PRKX: variants seen among roughly 807,000 people sequenced by gnomAD.
The protein encoded by PRKX is cAMP-dependent protein kinase catalytic subunit PRKX.
PRKX carries 12 observed loss-of-function variants against 22.0 expected under a neutral mutation model. That is an observed-to-expected ratio of 0.54 (90% CI 0.35 to 0.88). The LOEUF (loss-of-function observed/expected upper bound fraction) is 0.88. PRKX is among the 40% of genes least tolerant of loss of function. The pLI, the probability that PRKX is intolerant of heterozygous loss-of-function variation, is 0.01. For synonymous variants in PRKX, 134 were observed against 137.7 expected, an observed-to-expected ratio of 0.97 and a Z score of 0.19; for missense variants, 217 against 308.0, an observed-to-expected ratio of 0.70 and a Z score of 2.21.
intron 6 of PRKX, among the ~76,000 whole-genome samples, chrX:3,618,195 G>C (rs1228576402): frequency 9.0e-6 from 1 of 111,068 alleles, no homozygotes; most frequent in East Asian, 2.8e-4. Context: ...ACCAGGGGCT[G>C]GGAAGGGGCT....
chrX:3,614,316 C>T (rs1309078818), intron 7 of PRKX, among the ~76,000 whole-genome samples: 2 of 111,322 alleles, frequency 1.8e-5, no homozygotes, highest in Non-Finnish European at 3.8e-5. Flanking sequence ...GCCTGGCCAA[C>T]ATGGTGAAAC....
intron 1 of PRKX, among the ~76,000 whole-genome samples, chrX:3,675,318 T>C (rs1927930354): frequency 9.0e-6 from 1 of 110,979 alleles, no homozygotes; most frequent in Admixed American, 9.7e-5. Flanking sequence ...TGAAGTGCTA[T>C]ATAGGTGCCC....
intron 3 of PRKX, among the ~76,000 whole-genome samples, chrX:3,650,344 A>G (rs1258997350): frequency 9.5e-6 from 1 of 105,268 alleles, no homozygotes; most frequent in African/African-American, 3.5e-5. Context: ...ACACAGTGAA[A>G]CCCCGTCTCT....
At chrX:3,655,039 G>T in intron 3 of PRKX, 110 bp downstream of exon 3, 2 of 1,052,133 alleles carry the variant, frequency 1.9e-6, no homozygotes, top group Non-Finnish European at 2.6e-6. Context: ...TCCTACACAT[G>T]AGAGTTAAAC....
intron 6 of PRKX, among the ~76,000 whole-genome samples, chrX:3,621,030 G>A (rs1271287287): frequency 9.0e-6 from 1 of 111,470 alleles, no homozygotes; most frequent in Admixed American, 9.6e-5. Flanking sequence ...GGGAGATACG[G>A]TGTAGACCCA....
chrX:3,639,454 TGG>T (rs1213735943), intron 4 of PRKX, among the ~76,000 whole-genome samples: 8 of 13,427 alleles, frequency 6.0e-4, no homozygotes, highest in South Asian at 8.7e-3. Flanking sequence ...GATGAAGGGG[TGG>T]GGGGGTGGAT....
intron 4 of PRKX, among the ~76,000 whole-genome samples, chrX:3,629,719 A>T (rs1164790939): frequency 9.0e-6 from 1 of 111,673 alleles, no homozygotes; most frequent in African/African-American, 3.3e-5. Context: ...CAGTGGTGCA[A>T]TCATAGCTCA....
chrX:3,613,364 C>T (rs141577040), intron 7 of PRKX, among the ~76,000 whole-genome samples: 106 of 109,283 alleles, frequency 9.7e-4, no homozygotes, highest in African/African-American at 3.0e-3. Context: ...TAGAAGGATA[C>T]ACAGAAAAAC....
intron 1 of PRKX, among the ~76,000 whole-genome samples, chrX:3,703,642 C>T (rs1476586719): frequency 9.7e-5 from 10 of 102,916 alleles, no homozygotes; most frequent in Admixed American, 2.2e-4. Flanking sequence ...TCAAATGCAT[C>T]TAATGTGTTT....
intron 2 of PRKX, among the ~76,000 whole-genome samples, chrX:3,666,911 TAAAAAAA>T (rs35951668): frequency 7.6e-5 from 5 of 65,792 alleles, no homozygotes; most frequent in African/African-American, 2.4e-4. Context: ...TCATTTCTTT[TAAAAAAA>T]AAAAAAAAAA....
intron 2 of PRKX, among the ~76,000 whole-genome samples, chrX:3,655,854 A>G (rs1927470626): frequency 8.9e-6 from 1 of 112,415 alleles, no homozygotes; most frequent in East Asian, 2.8e-4. Flanking sequence ...AAGTGTTGGA[A>G]TACAGGTGTA....
At chrX:3,613,150 C>CAAAAAAAAAAAAAAAAAAAAAAAA (rs528688936) in intron 7 of PRKX, among the ~76,000 whole-genome samples, 14 of 54,322 alleles carry the variant, frequency 2.6e-4, no homozygotes, top group Non-Finnish European at 3.8e-4. Context: ...GACTTCGTCT[C>CAAAAAAAAAAAAAAAAAAAAAAAA]AAAAAAAAAA....
At chrX:3,689,253 T>C (rs1479871120) in intron 1 of PRKX, among the ~76,000 whole-genome samples, 2 of 112,915 alleles carry the variant, frequency 1.8e-5, no homozygotes, top group East Asian at 5.5e-4. Flanking sequence ...CATTAAATGC[T>C]ACCATGGAGG....
At chrX:3,670,012 G>T (rs1157502066) in intron 2 of PRKX, among the ~76,000 whole-genome samples, 1 of 111,982 alleles carries the variant, frequency 8.9e-6, no homozygotes, top group Non-Finnish European at 1.9e-5. Flanking sequence ...GGAGCCCAGG[G>T]ACACTCCCCA....
At chrX:3,671,048 A>T (rs6641833) in intron 2 of PRKX, among the ~76,000 whole-genome samples, 41,118 of 107,681 alleles carry the variant, frequency 0.38, 6,496 homozygotes, top group East Asian at 0.59. Context: ...ATTTATTATT[A>T]TTTTTTGAGA....
intron 6 of PRKX, among the ~76,000 whole-genome samples, chrX:3,616,338 T>A (rs1189047384): frequency 1.8e-5 from 2 of 111,231 alleles, no homozygotes; most frequent in East Asian, 5.6e-4. Context: ...GACTGGGAAC[T>A]CAAACCAAGG....
At chrX:3,686,736 T>C (rs1337203646) in intron 1 of PRKX, among the ~76,000 whole-genome samples, 1 of 110,561 alleles carries the variant, frequency 9.0e-6, no homozygotes, top group Non-Finnish European at 1.9e-5. Context: ...TCTTGTAGTT[T>C]TAGTAGACAC....
chrX:3,649,409 T>G (rs1240995597), intron 3 of PRKX, among the ~76,000 whole-genome samples: 1 of 103,303 alleles, frequency 9.7e-6, no homozygotes, highest in Non-Finnish European at 2.0e-5. Flanking sequence ...ATAAAGTGTG[T>G]GTGCAAAATA....
At position 3,674,717 on chromosome X, in the gene PRKX, C is replaced by T. The variant is rs1189467745; in HGVS notation, c.216G>A (p.Lys72=). Reference sequence around the variant, plus strand: ...TCATCACCTTGAGGGCGAAGAAATGCTTGGCTGTCTTCTCCTTCACCAGGT... The same window carrying T: ...TCATCACCTTGAGGGCGAAGAAATGTTTGGCTGTCTTCTCCTTCACCAGGT... ...RVHLVKEKTA[K]HFFALKVMSI... is the part of the protein sequence containing the mutation. The change falls in exon 2 of 9, where the codon AAG becomes AAA. Residue 72 remains lysine (K), a synonymous_variant. Coordinates refer to ENST00000262848, the MANE Select transcript of PRKX (RefSeq NM_005044.5). 31 of 1,209,610 alleles carry T rather than the reference C, an allele frequency of 2.6e-5. No homozygotes were observed. Among genetic ancestry groups the T allele is most frequent in the South Asian group, 1.1e-4 (6 of 56,800 alleles).
Sources: gnomAD v4.1 joint callset for allele counts (sites outside exome capture counted in the v4.1 genomes callset) on GRCh38, gnomAD v4.1.1 for gene constraint, MANE v1.5 for transcripts, NCBI Gene and HGNC (gene_info 2026-07-23, HGNC 2026-07-21) for gene names.